The following GAN variants were observed in gnomAD, a reference collection of about 807,000 sequenced individuals.
GAN encodes the protein gigaxonin.
In GAN, 48 loss-of-function variants were observed where a neutral mutation model predicts 71.3. The observed-to-expected ratio is 0.67, with a 90% CI of 0.53 to 0.86. The LOEUF is 0.86. Among genes scored for constraint, GAN ranks in the 40% least tolerant of loss-of-function variants. The pLI is 0.00. For synonymous variants in GAN, 386 were observed against 276.8 expected, an observed-to-expected ratio of 1.39 and a Z score of -3.92; for missense variants, 928 against 770.1, an observed-to-expected ratio of 1.21 and a Z score of -2.43.
rs1425924961 is a variant in GAN at position 81,357,871 on chromosome 16, C to G, written c.913C>G (p.Leu305Val). 6.2e-7 allele frequency: 1 copy of G among 1,613,520 alleles called. No individual in the cohort carries two copies. The highest frequency in any genetic ancestry group is 8.5e-7 in the Non-Finnish European group (1 of 1,179,440). ...MCPLYDPNRQ[L>V]WIELAPLSMP... Reference sequence around the variant, plus strand: ...CCCTCTCTATGACCCTAACAGGCAGCTTTGGATCGAACTGGCCCCTTTAAG... The same window carrying G: ...CCCTCTCTATGACCCTAACAGGCAGGTTTGGATCGAACTGGCCCCTTTAAG... Residue 305 changes from leucine to valine, a missense_variant, in exon 5 of 11, where the codon CTT becomes GTT. Leu to Val is a conservative substitution (Grantham distance 32, BLOSUM62 1). Transcript: ENST00000648994.
intron 1 of GAN, among the ~76,000 whole-genome samples, chr16:81,341,669 C>T (rs1031917246): frequency 6.6e-6 from 1 of 152,166 alleles, no homozygotes; most frequent in African/African-American, 2.4e-5. Flanking sequence ...GTACCAGCCA[C>T]TGTAAAAACA....
In GAN at chr16:81,357,879, C is replaced by A; in HGVS notation, c.921C>A (p.Ile307=). The A allele has an allele frequency of 6.2e-7, 1 of 1,613,636 alleles. No individual in the cohort carries two copies. ...ATGACCCTAACAGGCAGCTTTGGAT[C>A]GAACTGGCCCCTTTAAGCATGCCGA... ...PLYDPNRQLW[I]ELAPLSMPRI... The change falls in exon 5 of 11, where the codon ATC becomes ATA. Residue 307 remains isoleucine (I), a synonymous_variant. Coordinates refer to ENST00000648994, the MANE Select transcript of GAN (RefSeq NM_022041.4).
intron 9 of GAN, among the ~76,000 whole-genome samples, chr16:81,373,826 T>A (rs143952129): frequency 6.6e-6 from 1 of 152,176 alleles, no homozygotes; most frequent in African/African-American, 2.4e-5. Flanking sequence ...CACTGCAACC[T>A]CCGCCTCCTG....
At chr16:81,336,269 C>T (rs146197397) in intron 1 of GAN, among the ~76,000 whole-genome samples, 117 of 152,268 alleles carry the variant, frequency 7.7e-4, no homozygotes, top group African/African-American at 2.7e-3. Context: ...TGTGGAAATG[C>T]TCTTCTTCCA....
intron 1 of GAN, 124 bp downstream of exon 1, chr16:81,315,404 C>CG: frequency 3.3e-6 from 2 of 611,598 alleles, no homozygotes; most frequent in Non-Finnish European, 4.6e-6. Context: ...CCCGCGTCAC[C>CG]GTTGGCGCGG....
At chr16:81,375,769 C>A (rs1192480601) in intron 9 of GAN, among the ~76,000 whole-genome samples, 2 of 151,894 alleles carry the variant, frequency 1.3e-5, no homozygotes, top group Non-Finnish European at 2.9e-5. Flanking sequence ...AACCTGAGAT[C>A]AGCCTGGGTA....
chr16:81,358,006 C>G lies in GAN; in HGVS notation c.973+75C>G, dbSNP rs1377031892. The G allele has an allele frequency of 1.3e-5, 16 of 1,249,734 alleles. No homozygotes were observed. In the East Asian group the frequency reaches 2.3e-4, roughly 18 times the overall value. The allele number at this position is 1,249,734 out of a possible 1,614,324, so 77.4% of individuals were successfully genotyped here. A position where few individuals can be genotyped will look rare whatever the true frequency, so the allele number is the denominator to read the frequency against. The stretch of plus-strand genomic sequence containing the variant: ...AATCTCAAGGTTTTACAGAATGACT[C>G]AGAGCCTTTTAAAGATACAATTTTA... On this transcript the variant is annotated intron_variant, in intron 5 of 10. Coordinates refer to ENST00000648994, the MANE Select transcript of GAN (RefSeq NM_022041.4).
At chr16:81,346,169 C>T (rs903211486) in intron 1 of GAN, among the ~76,000 whole-genome samples, 2 of 152,042 alleles carry the variant, frequency 1.3e-5, no homozygotes, top group Non-Finnish European at 2.9e-5. Context: ...ACAGTTTGAG[C>T]AAAGAAAATT....
Position 81,378,868 on chromosome 16 carries a change from C to T in GAN, c.*1272C>T, listed in dbSNP as rs1904291636. ...CATTGGGGGAAAAATGTCTTTCGTTCGTGGAACGTATCTTGTAAGATATTT... is the reference window on the plus strand; with the variant it reads ...CATTGGGGGAAAAATGTCTTTCGTTTGTGGAACGTATCTTGTAAGATATTT... On this transcript the variant is annotated 3_prime_UTR_variant, in exon 11 of 11. Coordinates refer to ENST00000648994, the MANE Select transcript of GAN (RefSeq NM_022041.4). 1 of 152,518 alleles carries T rather than the reference C, an allele frequency of 6.6e-6. No homozygotes were observed. Among genetic ancestry groups the T allele is most frequent in the South Asian group, 2.1e-4 (1 of 4,816 alleles). The allele number at this position is 152,518 out of a possible 1,614,324, so 9.4% of individuals were successfully genotyped here. A position where few individuals can be genotyped will look rare whatever the true frequency, so the allele number is the denominator to read the frequency against.
intron 6 of GAN, 68 bp from the exon 7 acceptor site, chr16:81,363,726 T>C (rs1910754815): frequency 6.9e-7 from 1 of 1,459,652 alleles, no homozygotes; most frequent in Non-Finnish European, 9.6e-7. Flanking sequence ...TTTTATTAAG[T>C]GTATGAATAT....
chr16:81,362,029 A>C (rs1315545916), intron 5 of GAN, among the ~76,000 whole-genome samples: 4 of 152,156 alleles, frequency 2.6e-5, no homozygotes, highest in Non-Finnish European at 5.9e-5. Flanking sequence ...CAGAAGAATA[A>C]CCTAATACGC....
chr16:81,355,735 A>G (rs1910464692), intron 3 of GAN, among the ~76,000 whole-genome samples: 1 of 152,228 alleles, frequency 6.6e-6, no homozygotes, highest in South Asian at 2.1e-4. Flanking sequence ...AATAAGAAAT[A>G]TATTAGGTGT....
At chr16:81,365,977 C>T (rs941963435) in intron 9 of GAN, among the ~76,000 whole-genome samples, 2 of 152,058 alleles carry the variant, frequency 1.3e-5, no homozygotes, top group South Asian at 2.1e-4. Flanking sequence ...TACTTTATAC[C>T]GAGCCACTTT....
At chr16:81,321,765 A>G (rs117421796) in intron 1 of GAN, among the ~76,000 whole-genome samples, 2 of 152,346 alleles carry the variant, frequency 1.3e-5, no homozygotes, top group East Asian at 1.9e-4. Context: ...AAGCTGTAAT[A>G]TAAATGAATG....
chr16:81,344,694 G>A (rs1400650261), intron 1 of GAN, among the ~76,000 whole-genome samples: 3 of 152,094 alleles, frequency 2.0e-5, no homozygotes, highest in African/African-American at 7.2e-5. Context: ...CAAGACAAAG[G>A]CATGGGCAAA....
chr16:81,330,616 G>A (rs1252821793), intron 1 of GAN, among the ~76,000 whole-genome samples: 2 of 152,196 alleles, frequency 1.3e-5, no homozygotes, highest in African/African-American at 4.8e-5. Context: ...AAGAAATAGA[G>A]GATAGAAATC....
At position 81,378,994 on chromosome 16, in the gene GAN, C is replaced by G. The variant is rs1904292230; in HGVS notation, c.*1398C>G. 6.6e-6 allele frequency: 1 copy of G among 151,896 alleles called. No individual in the cohort carries two copies. The highest frequency in any genetic ancestry group is 1.5e-5 in the Non-Finnish European group (1 of 67,982). The allele number at this position is 151,896 out of a possible 1,614,324, so 9.4% of individuals were successfully genotyped here. On this transcript the variant is annotated 3_prime_UTR_variant, in exon 11 of 11. Transcript: ENST00000648994. ...TTTTATGCAATGTCAAATTTCTAATCAATTTAATATACAGTACTTCATTTT... is the reference window on the plus strand; with the variant it reads ...TTTTATGCAATGTCAAATTTCTAATGAATTTAATATACAGTACTTCATTTT...
At chr16:81,337,591 G>A (rs771078369) in intron 1 of GAN, among the ~76,000 whole-genome samples, 89 of 152,158 alleles carry the variant, frequency 5.8e-4, no homozygotes, top group Non-Finnish European at 9.7e-4. Context: ...AAGCAAGAAG[G>A]GGACTATACG....
chr16:81,352,602 A>C (rs769942880), intron 2 of GAN, among the ~76,000 whole-genome samples: 13 of 152,096 alleles, frequency 8.5e-5, no homozygotes, highest in Non-Finnish European at 1.8e-4. Context: ...TTTGTCTTAC[A>C]TATTTTCTAA....
Sources: gnomAD v4.1 joint callset for allele counts (sites outside exome capture counted in the v4.1 genomes callset) on GRCh38, gnomAD v4.1.1 for gene constraint, MANE v1.5 for transcripts, NCBI Gene and HGNC (gene_info 2026-07-23, HGNC 2026-07-21) for gene names.